CALHM3: variants seen among roughly 807,000 people sequenced by gnomAD.
The protein encoded by CALHM3 is calcium homeostasis modulator 3, also known as calcium homeostasis modulator protein 3.
Under a neutral mutation model 13.6 loss-of-function variants are expected in CALHM3, and 9 were observed. The observed-to-expected ratio is 0.66, with a 90% confidence interval of 0.40 to 1.15. CALHM3 has a LOEUF of 1.15. Among genes scored for constraint, CALHM3 ranks in the 50% most tolerant of loss-of-function variants. CALHM3 has a pLI of 0.01. For missense variants in CALHM3, 497 were observed against 463.4 expected, an observed-to-expected ratio of 1.07 and a Z score of -0.67; for synonymous variants, 231 against 213.2, an observed-to-expected ratio of 1.08 and a Z score of -0.73.
rs1245266106 is a variant in CALHM3, at chr10:103,478,794, T to C, written c.239A>G (p.Glu80Gly). 1.9e-6 allele frequency: 3 copies of C among 1,550,432 alleles called. No individual in the cohort carries two copies. The Admixed American group carries it at 5.9e-5, about 30-fold the overall frequency. Reference protein sequence around the residue: ...ANRQSVVMVEEWRRPAGHRRK... With the variant: ...ANRQSVVMVEGWRRPAGHRRK... Reference sequence around the variant, plus strand: ...CCGGTGCCCTGCGGGCCGGCGCCACTCCTCGACCATCACCACAGACTGCCG... The same window carrying C: ...CCGGTGCCCTGCGGGCCGGCGCCACCCCTCGACCATCACCACAGACTGCCG... Residue 80 changes from glutamate (E) to glycine (G), a missense_variant, in exon 1 of 3, where the codon GAG (glutamate) becomes GGG (glycine). By Grantham distance (98) the Glu-to-Gly change is moderately conservative (BLOSUM62 -2). Coordinates refer to ENST00000369783, the MANE Select transcript of CALHM3 (RefSeq NM_001129742.2).
chr10:103,473,384 G>C lies in CALHM3; in HGVS notation c.864C>G (p.His288Gln). 6.7e-7 allele frequency: 1 copy of C among 1,496,692 alleles called. No individual in the cohort carries two copies. Among genetic ancestry groups the C allele is most frequent in the African/African-American group, 1.4e-5 (1 of 70,074 alleles). 92.7% of individuals were successfully genotyped at this position (1,496,692 alleles called of 1,614,324 possible). Residue 288 changes from histidine (H) to glutamine (Q), a missense_variant, in exon 3 of 3, where the codon CAC (histidine) becomes CAG (glutamine). His to Gln is a conservative substitution (Grantham distance 24, BLOSUM62 0). Coordinates refer to ENST00000369783, the MANE Select transcript of CALHM3 (RefSeq NM_001129742.2). ...EGLDSGSGKA[H>Q]LRAISSREQV... ...GCTCCCGGCTGGAGATTGCGCGCAG[G>C]TGGGCCTTCCCACTTCCACTATCCA...
intron 1 of CALHM3, among the ~76,000 whole-genome samples, chr10:103,477,865 G>A (rs192236462): frequency 3.3e-5 from 5 of 152,020 alleles, no homozygotes; most frequent in Non-Finnish European, 5.9e-5. Context: ...GAGCCACCGC[G>A]CCTGGCCCCC....
In CALHM3 at chr10:103,472,979, ACTGT is replaced by A; in HGVS notation, c.*230_*233del. ...GAATCTCAGACTCGGTCCTGGCTAC[ACTGT>A]CTGAACCTGTATTTAACAAGGCCCT... is the stretch of plus-strand genomic sequence containing the variant. On this transcript the variant is annotated 3_prime_UTR_variant, in exon 3 of 3. Coordinates refer to ENST00000369783, the MANE Select transcript of CALHM3 (RefSeq NM_001129742.2). 2.4e-6 allele frequency: 1 copy of A among 408,174 alleles called. No individual in the cohort carries two copies. The highest frequency in any genetic ancestry group is 1.3e-4 in the South Asian group (1 of 7,454). The allele number at this position is 408,174 out of a possible 1,614,324, so 25.3% of individuals were successfully genotyped here.
In CALHM3 at chr10:103,478,868, C is replaced by T; in HGVS notation, c.165G>A (p.Leu55=). The change falls in exon 1 of 3, where the codon CTG becomes CTA. Residue 55 remains leucine, a synonymous_variant. Transcript: ENST00000369783. ...VHYNALYGLG[L]LLTPPLALFL... ...ACAGGGCGAGCGGGGGCGTCAGCAG[C>T]AGGCCCAGGCCGTAGAGTGCATTGT... 2 of 1,551,730 alleles carry T rather than the reference C, an allele frequency of 1.3e-6. No homozygotes were observed. The highest frequency in any genetic ancestry group is 8.7e-7 in the Non-Finnish European group (1 of 1,147,006).
rs1592162871 is a variant in CALHM3 at position 103,473,377 on chromosome 10, C to T, written c.871G>A (p.Ala291Thr). ...DSGSGKAHLR[A>T]ISSREQVDRL... is the part of the protein sequence containing the mutation. ...TCCACCTGCTCCCGGCTGGAGATTG[C>T]GCGCAGGTGGGCCTTCCCACTTCCA... is the stretch of plus-strand genomic sequence containing the variant. The change falls in exon 3 of 3, where the codon GCA (alanine) becomes ACA (threonine). Residue 291 changes from alanine (A) to threonine (T), a missense_variant. Ala to Thr is a moderately conservative substitution (Grantham distance 58). Coordinates refer to ENST00000369783, the MANE Select transcript of CALHM3 (RefSeq NM_001129742.2). 3 of 1,496,240 alleles carry T rather than the reference C, an allele frequency of 2.0e-6. No homozygotes were observed. The highest frequency in any genetic ancestry group is 1.3e-5 in the South Asian group (1 of 75,358). 92.7% of individuals were successfully genotyped at this position (1,496,240 alleles called of 1,614,324 possible).
At chr10:103,478,692 G>T in intron 1 of CALHM3, 54 bp downstream of exon 1, 1 of 1,460,726 alleles carries the variant, frequency 6.8e-7, no homozygotes, top group South Asian at 1.4e-5. Flanking sequence ...CCTGTGGGGT[G>T]GCTGGGGAGC....
rs2033360224 is a variant in CALHM3 at position 103,473,958 on chromosome 10, A to G, written c.544-254T>C. ...AAAATAAATTGAGAAGAATGAACGC[A>G]AAGAAAATTGTGTGATCATCAGATT... On this transcript the variant is annotated intron_variant, in intron 2 of 2. Coordinates refer to ENST00000369783, the MANE Select transcript of CALHM3 (RefSeq NM_001129742.2). Among the ~76,000 whole-genome samples the G allele has an allele frequency of 2.0e-5, 3 of 152,258 alleles. No individual in the cohort carries two copies. The South Asian group carries it at 6.2e-4, about 32-fold the overall frequency.
chr10:103,475,488 C>T (rs1219632340), intron 2 of CALHM3, among the ~76,000 whole-genome samples: 1 of 152,202 alleles, frequency 6.6e-6, no homozygotes, highest in Non-Finnish European at 1.5e-5. Flanking sequence ...TTGCAGGGAC[C>T]ATCAAGATGG....
In CALHM3 at chr10:103,473,240, C is replaced by T. The variant is rs1307200969; in HGVS notation, c.1008G>A (p.Thr336=). 6.9e-7 allele frequency: 1 copy of T among 1,441,178 alleles called. No homozygotes were observed. The highest frequency in any genetic ancestry group is 9.1e-7 in the Non-Finnish European group (1 of 1,094,280). The allele number at this position is 1,441,178 out of a possible 1,614,324, so 89.3% of individuals were successfully genotyped here. Residue 336 remains threonine, a synonymous_variant, in exon 3 of 3, where the codon ACG becomes ACA. Coordinates refer to ENST00000369783, the MANE Select transcript of CALHM3 (RefSeq NM_001129742.2). The stretch of plus-strand genomic sequence containing the variant: ...ACACGTCGGTGTGTTGTGACAGCCT[C>T]GTGCCCAGTGCCAAGGTAGGGGCGC... ...SHRAPTLALG[T]RLSQHTDV is the part of the protein sequence containing the mutation.
intron 1 of CALHM3, among the ~76,000 whole-genome samples, chr10:103,477,103 A>T (rs2033398700): frequency 6.6e-6 from 1 of 152,176 alleles, no homozygotes. Flanking sequence ...CCCACTCATT[A>T]TCACATTCTT....
intron 1 of CALHM3, 68 bp from the exon 2 acceptor site, chr10:103,476,617 G>A: frequency 6.6e-7 from 1 of 1,523,526 alleles, no homozygotes; most frequent in Non-Finnish European, 8.9e-7. Context: ...GAGGTGCAAG[G>A]ATGGACTGCT....
At position 103,473,375 on chromosome 10, in the gene CALHM3, T is replaced by G. The variant is rs1024084141; in HGVS notation, c.873A>C (p.Ala291=). 1.3e-6 allele frequency: 2 copies of G among 1,495,734 alleles called. No individual in the cohort carries two copies. The highest frequency in any genetic ancestry group is 1.4e-5 in the African/African-American group (1 of 71,176). The allele number at this position is 1,495,734 out of a possible 1,614,324, so 92.7% of individuals were successfully genotyped here. A position where few individuals can be genotyped will look rare whatever the true frequency, so the allele number is the denominator to read the frequency against. ...GGTCCACCTGCTCCCGGCTGGAGAT[T>G]GCGCGCAGGTGGGCCTTCCCACTTC... is the stretch of plus-strand genomic sequence containing the variant. ...DSGSGKAHLR[A]ISSREQVDRL... Residue 291 remains alanine (A), a synonymous_variant, in exon 3 of 3, where the codon GCA becomes GCC. Coordinates refer to ENST00000369783, the MANE Select transcript of CALHM3 (RefSeq NM_001129742.2).
At chr10:103,477,849 G>A (rs577660307) in intron 1 of CALHM3, among the ~76,000 whole-genome samples, 22 of 152,116 alleles carry the variant, frequency 1.4e-4, no homozygotes, top group African/African-American at 4.8e-4. Context: ...CTGGGATTAC[G>A]GGTGAGAGCC....
At position 103,479,142 on chromosome 10, in the gene CALHM3, C is replaced by G. The variant is rs533096075; in HGVS notation, c.-110G>C. 22 of 1,261,360 alleles carry G rather than the reference C, an allele frequency of 1.7e-5. No individual in the cohort carries two copies. The East Asian group carries it at 5.6e-4, about 32-fold the overall frequency. 78.1% of individuals were successfully genotyped at this position (1,261,360 alleles called of 1,614,324 possible). On this transcript the variant is annotated 5_prime_UTR_variant, in exon 1 of 3. Transcript: ENST00000369783. ...GAGCCTGGGATCTGCAAGAGGTTCT[C>G]TCTCTGCTTCCAAGGGCCTGAGGGG...
At chr10:103,474,262 C>A (rs1355142156) in intron 2 of CALHM3, among the ~76,000 whole-genome samples, 1 of 152,168 alleles carries the variant, frequency 6.6e-6, no homozygotes, top group Non-Finnish European at 1.5e-5. Flanking sequence ...AATCGTCCAT[C>A]CTCTTGTCTT....
rs1592164720 is a variant in CALHM3 at position 103,479,114 on chromosome 10, G to A, written c.-82C>T. 4 of 1,421,734 alleles carry A rather than the reference G, an allele frequency of 2.8e-6. No individual in the cohort carries two copies. The Admixed American group carries it at 6.7e-5, about 24-fold the overall frequency. 88.1% of individuals were successfully genotyped at this position (1,421,734 alleles called of 1,614,324 possible). A position where few individuals can be genotyped will look rare whatever the true frequency, so the allele number is the denominator to read the frequency against. Reference sequence around the variant, plus strand: ...CCTTCCTGGTGTCTGCTGTGCTGGGGACGAGCCTGGGATCTGCAAGAGGTT... The same window carrying A: ...CCTTCCTGGTGTCTGCTGTGCTGGGAACGAGCCTGGGATCTGCAAGAGGTT... On this transcript the variant is annotated 5_prime_UTR_variant, in exon 1 of 3. Coordinates refer to ENST00000369783, the MANE Select transcript of CALHM3 (RefSeq NM_001129742.2).
intron 1 of CALHM3, among the ~76,000 whole-genome samples, chr10:103,476,759 C>T (rs1169354219): frequency 1.3e-5 from 2 of 152,228 alleles, no homozygotes; most frequent in Non-Finnish European, 2.9e-5. Flanking sequence ...TGGTATTCCT[C>T]TTGCCCTAGG....
rs901594825 is a variant in CALHM3 at position 103,473,532 on chromosome 10, G to C, written c.716C>G (p.Ala239Gly). The C allele has an allele frequency of 3.9e-6, 6 of 1,551,130 alleles. No homozygotes were observed. The African/African-American group carries it at 8.2e-5, about 21-fold the overall frequency. The change falls in exon 3 of 3, where the codon GCG (alanine) becomes GGG (glycine). Residue 239 changes from alanine (A) to glycine (G), a missense_variant. Transcript: ENST00000369783. Reference protein sequence around the residue: ...ETCCEHARDFAHRCVLHFFAS... With the variant: ...ETCCEHARDFGHRCVLHFFAS... ...AAAGAAGTGCAGCACGCAGCGGTGCGCGAAGTCCCGCGCATGCTCACAGCA... is the reference window on the plus strand; with the variant it reads ...AAAGAAGTGCAGCACGCAGCGGTGCCCGAAGTCCCGCGCATGCTCACAGCA...
At chr10:103,474,828 A>G (rs2033371037) in intron 2 of CALHM3, among the ~76,000 whole-genome samples, 1 of 152,106 alleles carries the variant, frequency 6.6e-6, no homozygotes, top group Admixed American at 6.6e-5. Flanking sequence ...TTAGGCATCC[A>G]CTGTGCTATA....
Sources: gnomAD v4.1 joint callset for allele counts (sites outside exome capture counted in the v4.1 genomes callset) on GRCh38, gnomAD v4.1.1 for gene constraint, MANE v1.5 for transcripts, NCBI Gene and HGNC (gene_info 2026-07-23, HGNC 2026-07-21) for gene names.